The following BBS9 variants were observed in gnomAD, a reference collection of about 807,000 sequenced individuals.
The protein encoded by BBS9 is Bardet-Biedl syndrome 9.
Under a neutral mutation model 117.7 loss-of-function variants are expected in BBS9, and 89 were observed. The ratio of observed to expected loss-of-function variants is 0.76; its 90% CI spans 0.64 to 0.90. The LOEUF (loss-of-function observed/expected upper bound fraction) is 0.90, where lower values mean the gene tolerates loss of function less well. Ranked by LOEUF, BBS9 falls within the 40% of genes least tolerant of loss-of-function variation. The probability of loss-of-function intolerance (pLI) is 0.00; values close to 1 mark genes in which losing one functional copy is unlikely to be tolerated. For missense variants in BBS9, 982 were observed against 1,042.2 expected (o/e 0.94, Z 0.80); for synonymous variants, 379 against 370.9 (o/e 1.02, Z -0.25).
intron 21 of BBS9, among the ~76,000 whole-genome samples, chr7:33,632,539 T>C (rs3735419): frequency 0.3 from 45,084 of 151,970 alleles, 8,043 homozygotes; most frequent in African/African-American, 0.49. Flanking sequence ...TCTGGTAGAC[T>C]TGCGATTTTG....
chr7:33,262,240 GC>G lies in BBS9; in HGVS notation c.618-2048del, dbSNP rs565148545. On this transcript the variant is annotated intron_variant, in intron 6 of 22. Transcript: ENST00000242067. ...TGCCTGCTGTTTTAATGTTAATAAG[GC>G]CGCTTTAGGGGCTCACTTATTTCTT... Among the ~76,000 whole-genome samples the G allele has an allele frequency of 1.3e-4, 20 of 152,188 alleles. No individual in the cohort carries two copies. In the South Asian group the frequency reaches 4.2e-3, roughly 32 times the overall value.
At chr7:33,525,570 C>A (rs1382577156) in intron 20 of BBS9, among the ~76,000 whole-genome samples, 1 of 124,224 alleles carries the variant, frequency 8.0e-6, no homozygotes, top group East Asian at 2.2e-4. Flanking sequence ...AGGATTGCAA[C>A]CCCTGCCTTT....
chr7:33,487,699 C>A (rs1843307942), intron 19 of BBS9, among the ~76,000 whole-genome samples: 1 of 152,116 alleles, frequency 6.6e-6, no homozygotes, highest in South Asian at 2.1e-4. Context: ...CATTTTGGGG[C>A]CTCTCATCCC....
chr7:33,206,321 T>C (rs1188640082), intron 5 of BBS9, among the ~76,000 whole-genome samples: 4 of 152,334 alleles, frequency 2.6e-5, no homozygotes, highest in Non-Finnish European at 4.4e-5. Context: ...CTATCTAATT[T>C]AAGCCATTGT....
At chr7:33,595,026 T>C (rs1862508010) in intron 21 of BBS9, among the ~76,000 whole-genome samples, 2 of 152,018 alleles carry the variant, frequency 1.3e-5, no homozygotes, top group Admixed American at 1.3e-4. Flanking sequence ...TCCTTAGACC[T>C]TACATAAAAA....
At chr7:33,160,865 A>G (rs994582086) in intron 4 of BBS9, among the ~76,000 whole-genome samples, 12 of 152,176 alleles carry the variant, frequency 7.9e-5, no homozygotes, top group African/African-American at 2.7e-4. Context: ...AGCTTTCTTC[A>G]CCAGGTGGAA....
chr7:33,356,244 A>T (rs1393484261), intron 15 of BBS9, among the ~76,000 whole-genome samples: 1 of 151,856 alleles, frequency 6.6e-6, no homozygotes, highest in Non-Finnish European at 1.5e-5. Flanking sequence ...TAATTTGAGG[A>T]TATATAGAGT....
At chr7:33,386,825 A>G (rs921508875) in intron 18 of BBS9, among the ~76,000 whole-genome samples, 2 of 152,042 alleles carry the variant, frequency 1.3e-5, no homozygotes, top group African/African-American at 2.4e-5. Flanking sequence ...TTTAAATGAG[A>G]TGGGTTACAG....
intron 19 of BBS9, among the ~76,000 whole-genome samples, chr7:33,389,832 G>A (rs1016993694): frequency 1.1e-4 from 17 of 151,996 alleles, no homozygotes; most frequent in Non-Finnish European, 2.5e-4. Flanking sequence ...CTTATTAGAT[G>A]TATGGTTTTT....
At chr7:33,618,905 T>C (rs1865272648) in intron 21 of BBS9, among the ~76,000 whole-genome samples, 1 of 151,898 alleles carries the variant, frequency 6.6e-6, no homozygotes. Flanking sequence ...AGCTTACCAC[T>C]ATGAAAAAAA....
chr7:33,631,888 T>C (rs982553770), intron 21 of BBS9, among the ~76,000 whole-genome samples: 5 of 152,160 alleles, frequency 3.3e-5, no homozygotes, highest in Non-Finnish European at 7.4e-5. Context: ...AGAGGGAGGC[T>C]GTGCTTTTTG....
intron 1 of BBS9, among the ~76,000 whole-genome samples, chr7:33,137,410 T>G (rs1231793061): frequency 1.3e-5 from 2 of 152,114 alleles, no homozygotes; most frequent in South Asian, 2.1e-4. Flanking sequence ...CTCCTGGCCC[T>G]CCAACCTGGT....
At chr7:33,493,370 G>C (rs1253759391) in intron 19 of BBS9, among the ~76,000 whole-genome samples, 1 of 152,092 alleles carries the variant, frequency 6.6e-6, no homozygotes, top group African/African-American at 2.4e-5. Context: ...GCACACACTT[G>C]ATGTGGCACA....
intron 19 of BBS9, among the ~76,000 whole-genome samples, chr7:33,436,689 A>G (rs1835350096): frequency 6.6e-6 from 1 of 152,218 alleles, no homozygotes. Context: ...CACCTTGACC[A>G]TGGCATTGAT....
chr7:33,626,409 A>G (rs1242805204), intron 21 of BBS9, among the ~76,000 whole-genome samples: 1 of 152,240 alleles, frequency 6.6e-6, no homozygotes, highest in African/African-American at 2.4e-5. Context: ...GGGCATTGCC[A>G]TAAAGGTACC....
chr7:33,488,660 T>C (rs1358764371), intron 19 of BBS9, among the ~76,000 whole-genome samples: 1 of 152,184 alleles, frequency 6.6e-6, no homozygotes, highest in African/African-American at 2.4e-5. Context: ...TACAGTGTCA[T>C]GAACTATAAA....
intron 17 of BBS9, among the ~76,000 whole-genome samples, 197 bp downstream of exon 17, chr7:33,368,059 C>A (rs1822131940): frequency 6.6e-6 from 1 of 152,066 alleles, no homozygotes; most frequent in South Asian, 2.1e-4. Context: ...ACTGATGTTG[C>A]CCAAGATTAC....
At chr7:33,147,930 C>G (rs1792676734) in intron 2 of BBS9, among the ~76,000 whole-genome samples, 1 of 140,976 alleles carries the variant, frequency 7.1e-6, no homozygotes, top group Admixed American at 7.2e-5. Context: ...CATTGTGTTC[C>G]AAAGCCTGTG....
rs563273903 is a variant in BBS9 at position 33,308,290 on chromosome 7, C to T, written c.1017-28151C>T. On this transcript the variant is annotated intron_variant, in intron 9 of 22. Coordinates refer to ENST00000242067, the MANE Select transcript of BBS9 (RefSeq NM_198428.3). ...TTGGAGGACACAGCTCATTCCAGAC[C>T]CCGCTTCTCTCTTTAGAGAACAAAA... is the stretch of plus-strand genomic sequence containing the variant. 7.2e-5 allele frequency among the ~76,000 whole-genome samples: 11 copies of T among 152,128 alleles called. No individual in the cohort carries two copies. The South Asian group carries it at 1.0e-3, about 14-fold the overall frequency.
Sources: allele counts gnomAD v4.1 joint callset (sites outside exome capture counted in the v4.1 genomes callset), GRCh38; gene constraint gnomAD v4.1.1; transcripts MANE v1.5; gene names NCBI Gene and HGNC (gene_info 2026-07-23, HGNC 2026-07-21).